The following LAX1 variants were observed in gnomAD, a reference collection of about 807,000 sequenced individuals.
LAX1 encodes lymphocyte transmembrane adaptor 1, also known as lymphocyte transmembrane adapter 1.
LAX1 carries 17 observed loss-of-function variants against 20.7 expected under a neutral mutation model. The observed-to-expected ratio is 0.82, with a 90% CI of 0.56 to 1.23. LAX1 has a LOEUF of 1.23. Among genes scored for constraint, LAX1 ranks in the 50% most tolerant of loss-of-function variants. LAX1 has a pLI of 0.00. For synonymous variants in LAX1, 165 were observed against 181.0 expected, an observed-to-expected ratio of 0.91 and a Z score of 0.71; for missense variants, 470 against 487.0, an observed-to-expected ratio of 0.97 and a Z score of 0.33.
In LAX1 at chr1:203,774,894, G is replaced by C. The variant is rs1667486409; in HGVS notation, c.*213G>C. The C allele has an allele frequency of 8.6e-6, 5 of 581,184 alleles. No homozygotes were observed. The East Asian group carries it at 1.4e-4, about 16-fold the overall frequency. The allele number at this position is 581,184 out of a possible 1,614,324, so 36.0% of individuals were successfully genotyped here. A position where few individuals can be genotyped will look rare whatever the true frequency, so the allele number is the denominator to read the frequency against. On this transcript the variant is annotated 3_prime_UTR_variant, in exon 5 of 5. Coordinates refer to ENST00000442561, the MANE Select transcript of LAX1 (RefSeq NM_017773.4). ...GGGAATTCTTCTCAAGCAGAGTGTG[G>C]TTATCTCCTGTACCAGCCTAAGAAT...
In LAX1 at chr1:203,770,891, C is replaced by T. The variant is rs762835184; in HGVS notation, c.153C>T (p.Val51=). 6.2e-6 allele frequency: 10 copies of T among 1,614,064 alleles called. No individual in the cohort carries two copies. The highest frequency in any genetic ancestry group is 4.5e-5 in the East Asian group (2 of 44,892). The part of the protein sequence containing the change: ...GFAGLLAILL[V]VAVFCILWNW... Reference sequence around the variant, plus strand: ...CGGGACTCCTCGCCATCCTCCTGGTCGTTGCGGTTTTCTGCATCTTGTGGA... The same window carrying T: ...CGGGACTCCTCGCCATCCTCCTGGTTGTTGCGGTTTTCTGCATCTTGTGGA... The change falls in exon 2 of 5, where the codon GTC becomes GTT. Residue 51 remains valine (V), a synonymous_variant. Transcript: ENST00000442561.
intron 3 of LAX1, among the ~76,000 whole-genome samples, 156 bp from the exon 4 acceptor site, chr1:203,771,912 C>T (rs1324025715): frequency 6.6e-6 from 1 of 152,108 alleles, no homozygotes; most frequent in Admixed American, 6.6e-5. Context: ...GAGTGTCATC[C>T]CCATAACTCT....
At position 203,774,575 on chromosome 1, in the gene LAX1, A is replaced by G; in HGVS notation, c.1091A>G (p.Glu364Gly). 2 of 1,614,192 alleles carry G rather than the reference A, an allele frequency of 1.2e-6. No individual in the cohort carries two copies. The highest frequency in any genetic ancestry group is 8.5e-7 in the Non-Finnish European group (1 of 1,180,014). The part of the protein sequence containing the change: ...SEDSQMKHRE[E>G]MSNEDSSDYE... ...GACAGTCAGATGAAACATAGAGAAG[A>G]GATGTCAAATGAGGACTCCAGTGAC... The change falls in exon 5 of 5, where the codon GAG becomes GGG. Residue 364 changes from glutamate to glycine, a missense_variant. By Grantham distance (98) the Glu-to-Gly change is moderately conservative. Coordinates refer to ENST00000442561, the MANE Select transcript of LAX1 (RefSeq NM_017773.4).
chr1:203,771,008 C>A, intron 2 of LAX1, 71 bp downstream of exon 2: 2 of 1,250,556 alleles, frequency 1.6e-6, no homozygotes, highest in Non-Finnish European at 2.4e-6. Flanking sequence ...TAAAGCCCAG[C>A]TTATTTACCA....
At chr1:203,765,773 A>G (rs1667294528) in intron 1 of LAX1, 119 bp downstream of exon 1, 1 of 906,084 alleles carries the variant, frequency 1.1e-6, no homozygotes, top group South Asian at 1.4e-5. Context: ...GGCTCGGTCT[A>G]CTAAACCACC....
In LAX1 at chr1:203,771,313, C is replaced by T. The variant is rs1667417124; in HGVS notation, c.200-54C>T. 6 of 1,098,092 alleles carry T rather than the reference C, an allele frequency of 5.5e-6. No homozygotes were observed. In the Admixed American group the frequency reaches 6.7e-5, roughly 12 times the overall value. 68.0% of individuals were successfully genotyped at this position (1,098,092 alleles called of 1,614,324 possible). ...GCCATCTCATTCCCATGAGTCTCTT[C>T]ACTCTGTGCAGCTGACCCCCGCCAT... On this transcript the variant is annotated intron_variant, in intron 2 of 4. Coordinates refer to ENST00000442561, the MANE Select transcript of LAX1 (RefSeq NM_017773.4).
At chr1:203,769,436 AGAAAGAAG>A (rs371715945) in intron 1 of LAX1, among the ~76,000 whole-genome samples, 9,168 of 110,720 alleles carry the variant, frequency 0.083, 542 homozygotes, top group Non-Finnish European at 0.1. Context: ...AAAGAAAGAA[AGAAAGAAG>A]GAAAGAAAGA....
At chr1:203,769,463 G>A (rs1283816505) in intron 1 of LAX1, among the ~76,000 whole-genome samples, 3 of 109,702 alleles carry the variant, frequency 2.7e-5, no homozygotes, top group African/African-American at 9.0e-5. Flanking sequence ...GAAAAGAAAA[G>A]AAAGAAAGTT....
rs577463273 is a variant in LAX1 at position 203,765,209 on chromosome 1, C to G, written c.-357C>G. ...CTCTGCTTTGGGTGTTGAAGGAAGA[C>G]GAGCTTCTCACGGAGCCTCTCTTGA... On this transcript the variant is annotated 5_prime_UTR_variant, in exon 1 of 5. Transcript: ENST00000442561. 2 of 739,338 alleles carry G rather than the reference C, an allele frequency of 2.7e-6. No homozygotes were observed. The highest frequency in any genetic ancestry group is 4.5e-6 in the Non-Finnish European group (2 of 440,796). 45.8% of individuals were successfully genotyped at this position (739,338 alleles called of 1,614,324 possible). A position where few individuals can be genotyped will look rare whatever the true frequency, so the allele number is the denominator to read the frequency against.
chr1:203,769,469 A>C (rs1667367041), intron 1 of LAX1, among the ~76,000 whole-genome samples: 1 of 140,474 alleles, frequency 7.1e-6, no homozygotes, highest in Admixed American at 7.1e-5. Context: ...AAAAGAAAGA[A>C]AGTTGTATAA....
chr1:203,769,397 A>AAGAGAAAGAAAG, intron 1 of LAX1, among the ~76,000 whole-genome samples: 1 of 76,760 alleles, frequency 1.3e-5, no homozygotes, highest in East Asian at 5.0e-4. Context: ...GTCTCAAAAA[A>AAGAGAAAGAAAG]AAAGAAAGAA....
rs115825386 is a variant in LAX1, at chr1:203,770,896, C to A, written c.158C>A (p.Ala53Glu). ...CTCCTCGCCATCCTCCTGGTCGTTG[C>A]GGTTTTCTGCATCTTGTGGAATTGG... Reference protein sequence around the residue: ...AGLLAILLVVAVFCILWNWNK... With the variant: ...AGLLAILLVVEVFCILWNWNK... The change falls in exon 2 of 5, where the codon GCG becomes GAG. Residue 53 changes from alanine (A) to glutamate (E), a missense_variant. Ala to Glu is a moderately radical substitution (Grantham distance 107). Coordinates refer to ENST00000442561, the MANE Select transcript of LAX1 (RefSeq NM_017773.4). The A allele has an allele frequency of 6.2e-7, 1 of 1,614,132 alleles. No individual in the cohort carries two copies. The highest frequency in any genetic ancestry group is 1.6e-4 in the Middle Eastern group (1 of 6,062).
At chr1:203,770,452 AGAAAGGAAGGAAGGAAGG>A (rs1558070515) in intron 1 of LAX1, among the ~76,000 whole-genome samples, 3 of 27,838 alleles carry the variant, frequency 1.1e-4, no homozygotes, top group African/African-American at 3.0e-4. Flanking sequence ...AGAGAGAGAG[AGAAAGGAAGGAAGGAAGG>A]AAGGAAGGAA....
In LAX1 at chr1:203,770,461, GGAAGGAAGGAAGGA is replaced by G. The variant is rs1558070677; in HGVS notation, c.90-366_90-353del. On this transcript the variant is annotated intron_variant, in intron 1 of 4. Transcript: ENST00000442561. Reference sequence around the variant, plus strand: ...AGAGAGAGAGAGAGAGAGAAAGGAAGGAAGGAAGGAAGGAAGGAAGGAAGGAAGGAAGGAAGGAA... The same window carrying G: ...AGAGAGAGAGAGAGAGAGAAAGGAAGAGGAAGGAAGGAAGGAAGGAAGGAA... Among the ~76,000 whole-genome samples, 133 of 16,474 alleles carry G rather than the reference GGAAGGAAGGAAGGA, an allele frequency of 8.1e-3. 5 individuals carry two copies. The highest frequency in any genetic ancestry group is 0.016 in the South Asian group (6 of 378). 10.8% of individuals were successfully genotyped at this position (16,474 alleles called of 152,430 possible).
Position 203,774,149 on chromosome 1 carries a change from C to T in LAX1, c.665C>T (p.Thr222Ile), listed in dbSNP as rs943331846. 8.1e-6 allele frequency: 13 copies of T among 1,614,032 alleles called. No homozygotes were observed. In the African/African-American group the frequency reaches 1.7e-4, roughly 22 times the overall value. ...AGAAATCTCTTTGTTCTTCCCAGTA[C>T]CCAGAAGCTGGAGTTTACTGAGGAA... The part of the protein sequence containing the change: ...PSRNLFVLPS[T>I]QKLEFTEERD... The change falls in exon 5 of 5, where the codon ACC becomes ATC. Residue 222 changes from threonine to isoleucine, a missense_variant. Coordinates refer to ENST00000442561, the MANE Select transcript of LAX1 (RefSeq NM_017773.4).
rs1558069919 is a variant in LAX1 at position 203,769,438 on chromosome 1, AAAGAAGG to A, written c.90-1387_90-1381del. Among the ~76,000 whole-genome samples, 481 of 91,288 alleles carry A rather than the reference AAAGAAGG, an allele frequency of 5.3e-3. 5 individuals carry two copies. The highest frequency in any genetic ancestry group is 0.016 in the Middle Eastern group (3 of 188). The allele number at this position is 91,288 out of a possible 152,430, so 59.9% of individuals were successfully genotyped here. A position where few individuals can be genotyped will look rare whatever the true frequency, so the allele number is the denominator to read the frequency against. On this transcript the variant is annotated intron_variant, in intron 1 of 4. Transcript: ENST00000442561. ...GAAAGAAAGAAAGAAAGAAAGAAAG[AAAGAAGG>A]AAAGAAAGAAAAGAAAAGAAAGAAA...
In LAX1 at chr1:203,770,454, AAAGGAAGGAAGGAAGGAAGGAAGG is replaced by A. The variant is rs767611921; in HGVS notation, c.90-338_90-315del. Among the ~76,000 whole-genome samples, 25 of 21,958 alleles carry A rather than the reference AAAGGAAGGAAGGAAGGAAGGAAGG, an allele frequency of 1.1e-3. 1 individual carries two copies. The highest frequency in any genetic ancestry group is 2.5e-3 in the African/African-American group (23 of 9,216). 14.4% of individuals were successfully genotyped at this position (21,958 alleles called of 152,430 possible). A position where few individuals can be genotyped will look rare whatever the true frequency, so the allele number is the denominator to read the frequency against. On this transcript the variant is annotated intron_variant, in intron 1 of 4. Transcript: ENST00000442561. ...AAGAAAGAGAGAGAGAGAGAGAGAG[AAAGGAAGGAAGGAAGGAAGGAAGG>A]AAGGAAGGAAGGAAGGAAGGAAGGA... is the stretch of plus-strand genomic sequence containing the variant.
intron 1 of LAX1, among the ~76,000 whole-genome samples, chr1:203,766,022 C>A (rs1667298276): frequency 6.6e-6 from 1 of 151,896 alleles, no homozygotes; most frequent in Non-Finnish European, 1.5e-5. Context: ...TTTTGAGATC[C>A]AAAAACTTGT....
chr1:203,769,693 C>T (rs2102265289), intron 1 of LAX1: 1 of 141,400 alleles, frequency 7.1e-6, no homozygotes, highest in Middle Eastern at 4.0e-3. Context: ...CAGGGAATTG[C>T]AAGGTAGCAC....
Sources: allele counts gnomAD v4.1 joint callset (sites outside exome capture counted in the v4.1 genomes callset), GRCh38; gene constraint gnomAD v4.1.1; transcripts MANE v1.5; gene names NCBI Gene and HGNC (gene_info 2026-07-23, HGNC 2026-07-21).